Variants in ENPP3 observed in about 807,000 individuals in gnomAD.
ENPP3 encodes the protein ectonucleotide pyrophosphatase/phosphodiesterase family member 3.
In ENPP3, 104 loss-of-function variants were observed where a neutral mutation model predicts 117.8. The observed-to-expected ratio is 0.88, with a 90% CI of 0.75 to 1.04. The LOEUF (loss-of-function observed/expected upper bound fraction) is 1.04, where lower values mean the gene tolerates loss of function less well. ENPP3 is among the 50% of genes least tolerant of loss of function. The pLI, the probability that ENPP3 is intolerant of heterozygous loss-of-function variation, is 0.00. For missense variants in ENPP3, 1,026 were observed against 1,051.9 expected, an observed-to-expected ratio of 0.98 and a Z score of 0.34; for synonymous variants, 380 against 349.9, an observed-to-expected ratio of 1.09 and a Z score of -0.96.
At chr6:131,662,505 G>T (rs1335773660) in intron 6 of ENPP3, among the ~76,000 whole-genome samples, 1 of 152,144 alleles carries the variant, frequency 6.6e-6, no homozygotes, top group Non-Finnish European at 1.5e-5. Flanking sequence ...AAAGTGCTGG[G>T]ATTACAGGTG....
chr6:131,703,738 C>T (rs1779586236), intron 15 of ENPP3, among the ~76,000 whole-genome samples: 1 of 151,586 alleles, frequency 6.6e-6, no homozygotes, highest in Non-Finnish European at 1.5e-5. Context: ...ACTCTGCTGC[C>T]CATCTGAGAA....
chr6:131,718,732 C>A lies in ENPP3; in HGVS notation c.1473C>A (p.Ser491Arg). 6.3e-7 allele frequency: 1 copy of A among 1,589,550 alleles called. No individual in the cohort carries two copies. Among genetic ancestry groups the A allele is most frequent in the Admixed American group, 1.7e-5 (1 of 58,194 alleles). ...GNHGYNNEFR[S>R]MEAIFLAHGP... is the part of the protein sequence containing the mutation. ...ATGGTTATAACAATGAGTTTAGGAGCATGGAGGTAACTTACTGCTTTTTTT... is the reference window on the plus strand; with the variant it reads ...ATGGTTATAACAATGAGTTTAGGAGAATGGAGGTAACTTACTGCTTTTTTT... The change falls in exon 16 of 25, where the codon AGC becomes AGA. Residue 491 changes from serine to arginine, a missense_variant. By Grantham distance (110) the Ser-to-Arg change is moderately radical (BLOSUM62 -1). Coordinates refer to ENST00000357639, the MANE Select transcript of ENPP3 (RefSeq NM_005021.5).
At chr6:131,710,771 A>G in intron 15 of ENPP3, 1 of 1,613,116 alleles carries the variant, frequency 6.2e-7, no homozygotes, top group Non-Finnish European at 8.5e-7. Context: ...ATTAGTCCAG[A>G]AAGCGTTGCA....
rs756388286 is a variant in ENPP3, at chr6:131,658,328, A to T, written c.470A>T (p.Asp157Val). Residue 157 changes from aspartate to valine, a missense_variant, in exon 6 of 25, where the codon GAC becomes GTC. Asp to Val is a radical substitution (Grantham distance 152). Transcript: ENST00000357639. The part of the protein sequence containing the change: ...AQQSQCPEGF[D>V]LPPVILFSMD... ...ATTTTGTTTTCCATTTTCAGGTTTGACCTGCCACCAGTTATCTTGTTTTCT... is the reference window on the plus strand; with the variant it reads ...ATTTTGTTTTCCATTTTCAGGTTTGTCCTGCCACCAGTTATCTTGTTTTCT... The T allele has an allele frequency of 1.2e-5, 19 of 1,600,134 alleles. No homozygotes were observed. The African/African-American group carries it at 2.4e-4, about 20-fold the overall frequency.
At chr6:131,669,488 CA>C (rs1778692423) in intron 6 of ENPP3, among the ~76,000 whole-genome samples, 1 of 151,580 alleles carries the variant, frequency 6.6e-6, no homozygotes, top group East Asian at 1.9e-4. Context: ...GCCTGGCTAA[CA>C]TAACAAAACT....
chr6:131,667,495 G>C (rs756573501), intron 6 of ENPP3, among the ~76,000 whole-genome samples: 11 of 152,278 alleles, frequency 7.2e-5, no homozygotes, highest in Non-Finnish European at 1.2e-4. Flanking sequence ...GGGACTAATA[G>C]ATGTTGGGTC....
intron 2 of ENPP3, 130 bp from the exon 3 acceptor site, chr6:131,649,897 G>T: frequency 2.1e-6 from 2 of 948,396 alleles, no homozygotes; most frequent in Non-Finnish European, 3.3e-6. Context: ...GGCAGATCCT[G>T]CAGCACCATA....
At position 131,685,431 on chromosome 6, in the gene ENPP3, C is replaced by T; in HGVS notation, c.1188C>T (p.Phe396=). The T allele has an allele frequency of 3.1e-6, 5 of 1,613,454 alleles. No individual in the cohort carries two copies. The South Asian group carries it at 3.3e-5, about 11-fold the overall frequency. ...MTDYFPRINF[F]YMYEGPAPRI... Reference sequence around the variant, plus strand: ...ATTATTTTCCCAGAATAAACTTCTTCTACATGTACGAAGGGCCTGCCCCCC... The same window carrying T: ...ATTATTTTCCCAGAATAAACTTCTTTTACATGTACGAAGGGCCTGCCCCCC... Residue 396 remains phenylalanine, a synonymous_variant, in exon 13 of 25, where the codon TTC becomes TTT. Transcript: ENST00000357639.
At chr6:131,687,712 A>G (rs1471671137) in intron 14 of ENPP3, among the ~76,000 whole-genome samples, 1 of 152,276 alleles carries the variant, frequency 6.6e-6, no homozygotes, top group Non-Finnish European at 1.5e-5. Flanking sequence ...ACTTCTCAAA[A>G]GAAGACATAC....
At chr6:131,671,979 A>T (rs1435167517) in intron 7 of ENPP3, among the ~76,000 whole-genome samples, 4 of 152,220 alleles carry the variant, frequency 2.6e-5, no homozygotes, top group Non-Finnish European at 4.4e-5. Flanking sequence ...ATCTTTTATT[A>T]CTATGGAACA....
chr6:131,685,527 G>T lies in ENPP3; in HGVS notation c.1252+32G>T, dbSNP rs757862894. On this transcript the variant is annotated intron_variant, in intron 13 of 24. Coordinates refer to ENST00000357639, the MANE Select transcript of ENPP3 (RefSeq NM_005021.5). ...ATGAAGACACCTATATGAAAAAAAGGGTAAACCTGAAAGTGAATAACCATA... is the reference window on the plus strand; with the variant it reads ...ATGAAGACACCTATATGAAAAAAAGTGTAAACCTGAAAGTGAATAACCATA... 2.5e-6 allele frequency: 4 copies of T among 1,603,466 alleles called. 1 individual carries two copies. The South Asian group carries it at 3.4e-5, about 13-fold the overall frequency.
intron 20 of ENPP3, among the ~76,000 whole-genome samples, chr6:131,728,469 C>A (rs1211715216): frequency 6.6e-6 from 1 of 152,106 alleles, no homozygotes; most frequent in African/African-American, 2.4e-5. Context: ...ACCAAAAGTT[C>A]CTGTCCTTTC....
intron 2 of ENPP3, among the ~76,000 whole-genome samples, chr6:131,643,822 C>T (rs1778101958): frequency 6.6e-6 from 1 of 151,854 alleles, no homozygotes; most frequent in East Asian, 1.9e-4. Flanking sequence ...TATATTTTAG[C>T]ATGCAAGACA....
chr6:131,665,049 A>C (rs1778589228), intron 6 of ENPP3, among the ~76,000 whole-genome samples: 1 of 152,176 alleles, frequency 6.6e-6, no homozygotes, highest in Admixed American at 6.5e-5. Context: ...GCTATATATC[A>C]CATTAATTGA....
intron 15 of ENPP3, among the ~76,000 whole-genome samples, chr6:131,696,613 A>G (rs1779410755): frequency 6.6e-6 from 1 of 152,170 alleles, no homozygotes; most frequent in Admixed American, 6.6e-5. Flanking sequence ...AAGCCTTAAC[A>G]GGGGCTGCAT....
intron 6 of ENPP3, among the ~76,000 whole-genome samples, chr6:131,667,272 G>A (rs912696939): frequency 6.6e-5 from 10 of 151,888 alleles, no homozygotes; most frequent in African/African-American, 2.2e-4. Context: ...GGTTCCATTA[G>A]CGCTCCAATA....
Position 131,641,541 on chromosome 6 carries a change from CA to C in ENPP3, c.154+12del, listed in dbSNP as rs1377683657. On this transcript the variant is annotated intron_variant, in intron 2 of 24. Coordinates refer to ENST00000357639, the MANE Select transcript of ENPP3 (RefSeq NM_005021.5). ...AACTGGAAAAGCAAGGTATACCCCT[CA>C]GCCTTTTCTCAGAACATTCCCTTAT... 1 of 1,549,774 alleles carries C rather than the reference CA, an allele frequency of 6.5e-7. No homozygotes were observed. The highest frequency in any genetic ancestry group is 8.9e-7 in the Non-Finnish European group (1 of 1,122,864).
intron 5 of ENPP3, among the ~76,000 whole-genome samples, chr6:131,656,322 GA>G (rs1016327396): frequency 3.0e-4 from 46 of 151,888 alleles, no homozygotes; most frequent in African/African-American, 1.0e-3. Flanking sequence ...AAATAAAAAT[GA>G]AAAAAGATAC....
At chr6:131,708,878 A>C in intron 15 of ENPP3, 1 of 1,608,878 alleles carries the variant, frequency 6.2e-7, no homozygotes, top group East Asian at 2.2e-5. Context: ...CTTCTCATGA[A>C]TGGGCCCCTT....
Sources: gnomAD v4.1 joint callset for allele counts (sites outside exome capture counted in the v4.1 genomes callset) on GRCh38, gnomAD v4.1.1 for gene constraint, MANE v1.5 for transcripts, NCBI Gene and HGNC (gene_info 2026-07-23, HGNC 2026-07-21) for gene names.